PTPN14: variants seen among roughly 807,000 people sequenced by gnomAD.
The protein encoded by PTPN14 is tyrosine-protein phosphatase non-receptor type 14.
Under a neutral mutation model 126.8 loss-of-function variants are expected in PTPN14, and 53 were observed. That is an observed-to-expected ratio of 0.42 (90% CI 0.34 to 0.53). The LOEUF (loss-of-function observed/expected upper bound fraction) is 0.53. PTPN14 is among the 20% of genes least tolerant of loss of function. The pLI is 0.08. For synonymous variants in PTPN14, 630 were observed against 599.3 expected, an observed-to-expected ratio of 1.05 and a Z score of -0.75; for missense variants, 1,257 against 1,552.9, an observed-to-expected ratio of 0.81 and a Z score of 3.20.
At position 214,355,834 on chromosome 1, in the gene PTPN14, C is replaced by T. The variant is rs769853802; in HGVS notation, c.*2088G>A. On this transcript the variant is annotated 3_prime_UTR_variant, in exon 19 of 19. Transcript: ENST00000366956. Reference sequence around the variant, plus strand: ...GATGTCACTCCATCTTTTTAGCTCACGGGGGACAAAAGCAGCAATGAAGAA... The same window carrying T: ...GATGTCACTCCATCTTTTTAGCTCATGGGGGACAAAAGCAGCAATGAAGAA... 3 of 151,928 alleles carry T rather than the reference C, an allele frequency of 2.0e-5. No individual in the cohort carries two copies. The highest frequency in any genetic ancestry group is 6.6e-5 in the Admixed American group (1 of 15,260). The allele number at this position is 151,928 out of a possible 1,614,324, so 9.4% of individuals were successfully genotyped here. A position where few individuals can be genotyped will look rare whatever the true frequency, so the allele number is the denominator to read the frequency against.
At chr1:214,533,771 AGCTT>A (rs1655623198) in intron 1 of PTPN14, among the ~76,000 whole-genome samples, 1 of 150,662 alleles carries the variant, frequency 6.6e-6, no homozygotes, top group Non-Finnish European at 1.5e-5. Flanking sequence ...CGGGAGGCGG[AGCTT>A]GCAGTGAGCC....
intron 1 of PTPN14, among the ~76,000 whole-genome samples, chr1:214,492,752 A>G (rs185957702): frequency 1.3e-5 from 2 of 152,218 alleles, no homozygotes; most frequent in African/African-American, 4.8e-5. Flanking sequence ...GATTAAAGAT[A>G]CAAAAATTAG....
intron 5 of PTPN14, among the ~76,000 whole-genome samples, chr1:214,404,972 T>G (rs1571978735): frequency 6.6e-6 from 1 of 152,334 alleles, no homozygotes; most frequent in East Asian, 1.9e-4. Context: ...CACCTGGGCC[T>G]GGCATGCAGA....
At chr1:214,492,841 T>C (rs4655356) in intron 1 of PTPN14, among the ~76,000 whole-genome samples, 40,911 of 149,322 alleles carry the variant, frequency 0.27, 5,833 homozygotes, top group East Asian at 0.43. Flanking sequence ...GAGGTTGCAG[T>C]GAGCCAAGAT....
chr1:214,500,186 A>T (rs948261721), intron 1 of PTPN14, among the ~76,000 whole-genome samples: 2 of 152,100 alleles, frequency 1.3e-5, no homozygotes, highest in African/African-American at 4.8e-5. Flanking sequence ...ATTCCCCCAA[A>T]TATGTAAGAC....
chr1:214,427,403 T>C (rs1659693141), intron 3 of PTPN14, among the ~76,000 whole-genome samples: 1 of 152,160 alleles, frequency 6.6e-6, no homozygotes, highest in South Asian at 2.1e-4. Flanking sequence ...TGTCAGATTC[T>C]ATTAAATTAG....
chr1:214,421,558 T>C (rs1659544571), intron 3 of PTPN14, among the ~76,000 whole-genome samples: 1 of 152,118 alleles, frequency 6.6e-6, no homozygotes, highest in Non-Finnish European at 1.5e-5. Flanking sequence ...AAAAAAAAAT[T>C]TAATGGTGAA....
At chr1:214,388,712 T>C (rs896961325) in intron 11 of PTPN14, among the ~76,000 whole-genome samples, 1 of 152,150 alleles carries the variant, frequency 6.6e-6, no homozygotes, top group Non-Finnish European at 1.5e-5. Flanking sequence ...CCAGCCAATC[T>C]CTTATATTTC....
In PTPN14 at chr1:214,352,777, T is replaced by G. The variant is rs1351411317; in HGVS notation, c.*5145A>C. On this transcript the variant is annotated 3_prime_UTR_variant, in exon 19 of 19. Coordinates refer to ENST00000366956, the MANE Select transcript of PTPN14 (RefSeq NM_005401.5). Reference sequence around the variant, plus strand: ...CCCAAATTTCTCCATTTGGAAACCATGCTGGATGAGCTGTTGCTCTGCTCA... The same window carrying G: ...CCCAAATTTCTCCATTTGGAAACCAGGCTGGATGAGCTGTTGCTCTGCTCA... 6.6e-6 allele frequency: 1 copy of G among 152,200 alleles called. No individual in the cohort carries two copies. The highest frequency in any genetic ancestry group is 1.9e-4 in the East Asian group (1 of 5,192). The allele number at this position is 152,200 out of a possible 1,614,324, so 9.4% of individuals were successfully genotyped here.
chr1:214,535,430 T>C (rs996183164), intron 1 of PTPN14, among the ~76,000 whole-genome samples: 5 of 152,198 alleles, frequency 3.3e-5, no homozygotes, highest in Non-Finnish European at 7.3e-5. Flanking sequence ...AATTCTTTTG[T>C]CAGATTATAA....
rs1367389428 is a variant in PTPN14, at chr1:214,364,483, T to C, written c.3435+29A>G. Reference sequence around the variant, plus strand: ...GTGTAGACTTGTCCCCAAGGTGGAGTATCCGGAGAGAAGCCCAGAATGACT... The same window carrying C: ...GTGTAGACTTGTCCCCAAGGTGGAGCATCCGGAGAGAAGCCCAGAATGACT... On this transcript the variant is annotated intron_variant, in intron 18 of 18. Coordinates refer to ENST00000366956, the MANE Select transcript of PTPN14 (RefSeq NM_005401.5). The surrounding 1 kb of genome is among the most constrained non-coding windows in gnomAD (Gnocchi z 4.1). The C allele has an allele frequency of 1.2e-6, 2 of 1,605,534 alleles. No homozygotes were observed. Among genetic ancestry groups the C allele is most frequent in the Non-Finnish European group, 1.7e-6 (2 of 1,175,114 alleles).
At chr1:214,512,395 G>A (rs1654999374) in intron 1 of PTPN14, among the ~76,000 whole-genome samples, 1 of 152,044 alleles carries the variant, frequency 6.6e-6, no homozygotes, top group Admixed American at 6.6e-5. Context: ...CTTCTTCTTA[G>A]GAAATTTAAT....
chr1:214,492,629 C>T (rs1333777234), intron 1 of PTPN14, among the ~76,000 whole-genome samples: 4 of 152,090 alleles, frequency 2.6e-5, no homozygotes, highest in South Asian at 2.1e-4. Context: ...TGTTGTCGGC[C>T]GGGCATGGTG....
At chr1:214,445,565 C>A (rs5028966) in intron 3 of PTPN14, among the ~76,000 whole-genome samples, 56,820 of 142,716 alleles carry the variant, frequency 0.4, 10,959 homozygotes, top group East Asian at 0.52. Context: ...AAAAAAAAAA[C>A]CACAAAATTA....
intron 3 of PTPN14, among the ~76,000 whole-genome samples, chr1:214,418,558 C>T (rs1329757832): frequency 1.3e-5 from 2 of 152,242 alleles, no homozygotes; most frequent in Admixed American, 6.5e-5. Context: ...GGGCAAACCA[C>T]CAATTTCACT....
chr1:214,497,688 T>G (rs1240586020), intron 1 of PTPN14, among the ~76,000 whole-genome samples: 1 of 152,210 alleles, frequency 6.6e-6, no homozygotes, highest in Non-Finnish European at 1.5e-5. Context: ...CAGCTTACCA[T>G]ATATTACCGA....
chr1:214,469,791 A>C (rs11120335), intron 1 of PTPN14, among the ~76,000 whole-genome samples: 11 of 143,986 alleles, frequency 7.6e-5, no homozygotes, highest in African/African-American at 2.6e-4. Context: ...CCACTCTAGT[A>C]GGGGGATGGT....
chr1:214,446,908 G>C (rs1660157153), intron 3 of PTPN14, among the ~76,000 whole-genome samples: 3 of 152,164 alleles, frequency 2.0e-5, no homozygotes. Flanking sequence ...CCAGACAAAG[G>C]CTTATTTTTT....
At chr1:214,523,644 C>G (rs1198135552) in intron 1 of PTPN14, among the ~76,000 whole-genome samples, 1 of 152,146 alleles carries the variant, frequency 6.6e-6, no homozygotes, top group African/African-American at 2.4e-5. Context: ...ACAGATTTGA[C>G]AACTAGGGGC....
Sources: gnomAD v4.1 joint callset for allele counts (sites outside exome capture counted in the v4.1 genomes callset) on GRCh38, gnomAD v4.1.1 for gene constraint, Gnocchi (gnomAD v3.1) non-coding constraint, MANE v1.5 for transcripts, NCBI Gene and HGNC (gene_info 2026-07-23, HGNC 2026-07-21) for gene names.